DHRSX: variants seen among roughly 807,000 people sequenced by gnomAD.
The protein encoded by DHRSX is dehydrogenase/reductase X-linked.
A neutral mutation model predicts 34.0 loss-of-function variants in DHRSX; 31 were observed. The observed-to-expected ratio is 0.91, with a 90% CI of 0.69 to 1.23. DHRSX has a LOEUF of 1.23. Among genes scored for constraint, DHRSX ranks in the 50% most tolerant of loss-of-function variants. DHRSX has a pLI of 0.00. For synonymous variants in DHRSX, 201 were observed against 183.8 expected (o/e 1.09, Z -0.76); for missense variants, 414 against 428.1 (o/e 0.97, Z 0.29).
chrX:2,282,819 AGAGG>A (rs1203728949), intron 4 of DHRSX, among the ~76,000 whole-genome samples: 5 of 101,574 alleles, frequency 4.9e-5, no homozygotes, highest in East Asian at 6.4e-4. Flanking sequence ...AGAAAGAGAG[AGAGG>A]GAGAGAGAGG....
intron 5 of DHRSX, among the ~76,000 whole-genome samples, chrX:2,257,063 A>T (rs2041289496): frequency 6.6e-6 from 1 of 152,070 alleles, no homozygotes; most frequent in African/African-American, 2.4e-5. Context: ...TGAAGCAATT[A>T]TCCTGCCTCA....
chrX:2,366,692 G>A (rs1222584800), intron 3 of DHRSX, among the ~76,000 whole-genome samples: 1 of 152,002 alleles, frequency 6.6e-6, no homozygotes, highest in East Asian at 1.9e-4. Flanking sequence ...CCACCTCCTG[G>A]GCTCAAGCAA....
At chrX:2,342,149 C>T in intron 3 of DHRSX, among the ~76,000 whole-genome samples, 1 of 152,226 alleles carries the variant, frequency 6.6e-6, no homozygotes, top group Non-Finnish European at 1.5e-5. Flanking sequence ...TCAGTAAGAG[C>T]TTCCTCTAGT....
chrX:2,314,576 T>C (rs1474805801), intron 3 of DHRSX, among the ~76,000 whole-genome samples: 1 of 148,400 alleles, frequency 6.7e-6, no homozygotes, highest in African/African-American at 2.5e-5. Flanking sequence ...CTCAGGGCAA[T>C]TTCAAGGTAT....
At chrX:2,467,749 T>G (rs770611529) in intron 1 of DHRSX, among the ~76,000 whole-genome samples, 1 of 152,138 alleles carries the variant, frequency 6.6e-6, no homozygotes, top group African/African-American at 2.4e-5. Flanking sequence ...CCAAGGTGGA[T>G]GGATCACCTG....
chrX:2,259,000 C>T (rs2041317841), intron 5 of DHRSX, among the ~76,000 whole-genome samples: 2 of 152,140 alleles, frequency 1.3e-5, no homozygotes, highest in Admixed American at 1.3e-4. Flanking sequence ...AGTGGCCGGG[C>T]GCAGTGGCTC....
chrX:2,321,284 C>T (rs1414894095), intron 3 of DHRSX, among the ~76,000 whole-genome samples: 1 of 152,116 alleles, frequency 6.6e-6, no homozygotes, highest in Non-Finnish European at 1.5e-5. Context: ...GCAGACAGGA[C>T]ATCGAATGTG....
Position 2,495,941 on chromosome X carries a change from G to A in DHRSX, c.109+4876C>T, listed in dbSNP as rs183787741. On this transcript the variant is annotated intron_variant, in intron 1 of 6. Coordinates refer to ENST00000334651, the MANE Select transcript of DHRSX (RefSeq NM_145177.3). ...GAAGAAGCAGAGGAAGGAGCCAGCC[G>A]CCATCCGTCCCTTTATGGATGAGAC... Among the ~76,000 whole-genome samples, 51 of 152,184 alleles carry A rather than the reference G, an allele frequency of 3.4e-4. 1 individual carries two copies. The highest frequency in any genetic ancestry group is 1.5e-3 in the South Asian group (7 of 4,822).
chrX:2,411,455 A>C (rs2043627072), intron 2 of DHRSX, among the ~76,000 whole-genome samples: 1 of 151,322 alleles, frequency 6.6e-6, no homozygotes, highest in Non-Finnish European at 1.5e-5. Context: ...AAGCGGAGGC[A>C]GGAGAATTGC....
At chrX:2,349,545 G>A (rs1349091874) in intron 3 of DHRSX, among the ~76,000 whole-genome samples, 4 of 151,402 alleles carry the variant, frequency 2.6e-5, no homozygotes, top group Admixed American at 1.3e-4. Flanking sequence ...AAATTAGCCG[G>A]GCATGGTGGC....
At chrX:2,447,333 T>C (rs1464068836) in intron 1 of DHRSX, among the ~76,000 whole-genome samples, 2 of 151,856 alleles carry the variant, frequency 1.3e-5, no homozygotes, top group Admixed American at 6.6e-5. Context: ...AAGGGACTGC[T>C]GCCATGTACA....
chrX:2,425,899 G>A (rs1037241715), intron 1 of DHRSX, among the ~76,000 whole-genome samples: 43 of 152,264 alleles, frequency 2.8e-4, no homozygotes, highest in African/African-American at 8.7e-4. Flanking sequence ...AGGAACAGGC[G>A]AGTAGGCTTA....
intron 3 of DHRSX, among the ~76,000 whole-genome samples, chrX:2,294,063 A>AGG (rs1305418776): frequency 6.6e-6 from 1 of 151,524 alleles, no homozygotes; most frequent in Non-Finnish European, 1.5e-5. Context: ...AGAAGCAGAG[A>AGG]GAGAGAGAAA....
chrX:2,371,600 G>A (rs954217172), intron 3 of DHRSX, among the ~76,000 whole-genome samples: 1 of 147,264 alleles, frequency 6.8e-6, no homozygotes, highest in Admixed American at 6.8e-5. Flanking sequence ...CATTAGCAGA[G>A]TCCCTCCTTC....
At chrX:2,235,823 C>T (rs150285762) in intron 6 of DHRSX, among the ~76,000 whole-genome samples, 514 of 149,124 alleles carry the variant, frequency 3.4e-3, no homozygotes, top group African/African-American at 0.012. Flanking sequence ...TCAATAAATA[C>T]ATAAGCCAGG....
At chrX:2,359,766 C>T (rs1220536868) in intron 3 of DHRSX, among the ~76,000 whole-genome samples, 1 of 152,122 alleles carries the variant, frequency 6.6e-6, no homozygotes, top group African/African-American at 2.4e-5. Context: ...AGATCATGTC[C>T]TTTGCAGAAA....
At chrX:2,355,545 A>AAAAAAAAAAAAT (rs2042840043) in intron 3 of DHRSX, among the ~76,000 whole-genome samples, 1 of 131,300 alleles carries the variant, frequency 7.6e-6, no homozygotes, top group African/African-American at 2.9e-5. Flanking sequence ...AAAAAAAAAA[A>AAAAAAAAAAAAT]GACTATCATT....
At chrX:2,224,446 C>T (rs1272694912) in intron 6 of DHRSX, among the ~76,000 whole-genome samples, 1 of 151,552 alleles carries the variant, frequency 6.6e-6, no homozygotes. Flanking sequence ...ACAAGTACTA[C>T]CGTTTTAGGG....
intron 1 of DHRSX, among the ~76,000 whole-genome samples, chrX:2,468,655 A>C (rs6641788): frequency 0.56 from 84,033 of 150,182 alleles, 25,237 homozygotes; most frequent in African/African-American, 0.81. Context: ...TTCCCTAAGA[A>C]TGTGGCCAAG....
Sources: gnomAD v4.1 joint callset for allele counts (sites outside exome capture counted in the v4.1 genomes callset) on GRCh38, gnomAD v4.1.1 for gene constraint, MANE v1.5 for transcripts, NCBI Gene and HGNC (gene_info 2026-07-23, HGNC 2026-07-21) for gene names.